Variants in RIC1 observed in about 807,000 individuals in gnomAD.
RIC1 encodes the protein RIC1 partner of RAB6A GEF complex.
In RIC1, 88 loss-of-function variants were observed where a neutral mutation model predicts 169.0. The ratio of observed to expected loss-of-function variants is 0.52; its 90% CI spans 0.44 to 0.62. The LOEUF (loss-of-function observed/expected upper bound fraction) is 0.62. Among genes scored for constraint, RIC1 ranks in the 20% least tolerant of loss-of-function variants. RIC1 has a pLI of 0.00. For synonymous variants in RIC1, 790 were observed against 601.5 expected, an observed-to-expected ratio of 1.31 and a Z score of -4.59; for missense variants, 1,877 against 1,725.5, an observed-to-expected ratio of 1.09 and a Z score of -1.56.
chr9:5,713,474 G>T (rs1823055993), intron 3 of RIC1: 1 of 153,196 alleles, frequency 6.5e-6, no homozygotes, highest in Non-Finnish European at 1.5e-5. Context: ...GAAGGATAAG[G>T]TGTGGAGTAA....
At chr9:5,706,003 T>C (rs1822563406) in intron 3 of RIC1, among the ~76,000 whole-genome samples, 2 of 152,324 alleles carry the variant, frequency 1.3e-5, no homozygotes, top group South Asian at 4.1e-4. Context: ...GCCCACTTGG[T>C]AGTGGTGGAT....
intron 1 of RIC1, among the ~76,000 whole-genome samples, chr9:5,655,755 C>G (rs1451867194): frequency 6.6e-6 from 1 of 151,836 alleles, no homozygotes; most frequent in African/African-American, 2.4e-5. Context: ...TGGGGTATAT[C>G]GTATTTGGTT....
intron 1 of RIC1, among the ~76,000 whole-genome samples, chr9:5,632,785 T>C (rs1817778919): frequency 6.6e-6 from 1 of 152,188 alleles, no homozygotes. Flanking sequence ...TTTTGTACTG[T>C]ACTGAGGGCC....
rs1452754742 is a variant in RIC1 at position 5,742,384 on chromosome 9, A to G, written c.902-485A>G. 3.3e-5 allele frequency among the ~76,000 whole-genome samples: 5 copies of G among 152,064 alleles called. No homozygotes were observed. In the South Asian group the frequency reaches 1.0e-3, roughly 31 times the overall value. ...TGAGGATTTAAGTATTCTATTCACCATCTTAGTTTTTTCAGTGTGGAAGTC... is the reference window on the plus strand; with the variant it reads ...TGAGGATTTAAGTATTCTATTCACCGTCTTAGTTTTTTCAGTGTGGAAGTC... On this transcript the variant is annotated intron_variant, in intron 8 of 25. Transcript: ENST00000414202.
At chr9:5,634,227 T>G (rs1817862492) in intron 1 of RIC1, among the ~76,000 whole-genome samples, 1 of 152,232 alleles carries the variant, frequency 6.6e-6, no homozygotes, top group African/African-American at 2.4e-5. Context: ...AGATACTGAT[T>G]TCAATTCCTT....
intron 1 of RIC1, among the ~76,000 whole-genome samples, chr9:5,643,532 G>C (rs775852784): frequency 5.9e-5 from 9 of 151,960 alleles, no homozygotes; most frequent in Non-Finnish European, 1.2e-4. Context: ...GAAAAATATG[G>C]TTTCCTGCCA....
chr9:5,697,452 A>G (rs180936431), intron 3 of RIC1, among the ~76,000 whole-genome samples: 9 of 152,292 alleles, frequency 5.9e-5, no homozygotes, highest in Non-Finnish European at 8.8e-5. Context: ...CAGGTACTCT[A>G]TTAGTAGAAT....
chr9:5,755,021 C>A, intron 15 of RIC1, 91 bp downstream of exon 15: 1 of 753,208 alleles, frequency 1.3e-6, no homozygotes, highest in Non-Finnish European at 2.0e-6. Context: ...CGATTGAAAA[C>A]TGAACAAAAC....
intron 1 of RIC1, among the ~76,000 whole-genome samples, chr9:5,654,837 G>T (rs926774298): frequency 1.3e-5 from 2 of 152,198 alleles, no homozygotes; most frequent in Admixed American, 1.3e-4. Context: ...ACAGGCATGA[G>T]CTACTGCGCC....
chr9:5,776,756 A>G (rs938715661), downstream of RIC1, among the ~76,000 whole-genome samples: 4 of 152,080 alleles, frequency 2.6e-5, no homozygotes, highest in African/African-American at 9.7e-5. Context: ...TGGAGGAAAC[A>G]GCCCATGTCG....
chr9:5,761,730 G>T (rs1826353344), intron 17 of RIC1, among the ~76,000 whole-genome samples: 2 of 152,126 alleles, frequency 1.3e-5, no homozygotes, highest in Non-Finnish European at 2.9e-5. Flanking sequence ...CCTCTTTACA[G>T]ATAGAAATGA....
At chr9:5,769,360 A>C in intron 22 of RIC1, 104 bp downstream of exon 22, 1 of 1,611,358 alleles carries the variant, frequency 6.2e-7, no homozygotes, top group African/African-American at 1.3e-5. Context: ...TTTCATTCCA[A>C]ACTTAGGAAT....
rs758555755 is a variant in RIC1 at position 5,656,613 on chromosome 9, CCTGCAAAATCA to C, written c.176_186del (p.Pro59LeufsTer11). On this transcript the variant is annotated frameshift_variant, in exon 2 of 26. Coordinates refer to ENST00000414202, the MANE Select transcript of RIC1 (RefSeq NM_020829.4). LOFTEE classifies it high-confidence loss of function. ...TGTGTTAATTGTAACCTACAAGGAG[CCTGCAAAATCA>C]TCTACTCAGTTTGGATCCTACAAGC... The C allele has an allele frequency of 1.2e-4, 200 of 1,605,132 alleles. No individual in the cohort carries two copies. The highest frequency in any genetic ancestry group is 1.6e-4 in the Non-Finnish European group (192 of 1,175,094).
At position 5,636,223 on chromosome 9, in the gene RIC1, G is replaced by C. The variant is rs80084486; in HGVS notation, c.144+6770G>C. ...CAGCCATTTATTTGTACCTTCTTCAGTTTATTTCATCAGCATTTTATGGTG... is the reference window on the plus strand; with the variant it reads ...CAGCCATTTATTTGTACCTTCTTCACTTTATTTCATCAGCATTTTATGGTG... On this transcript the variant is annotated intron_variant, in intron 1 of 25. Coordinates refer to ENST00000414202, the MANE Select transcript of RIC1 (RefSeq NM_020829.4). 3.3e-3 allele frequency among the ~76,000 whole-genome samples: 504 copies of C among 152,240 alleles called. 24 individuals are homozygous for C. The East Asian group carries it at 0.085, about 26-fold the overall frequency.
chr9:5,631,728 T>G (rs980826193), intron 1 of RIC1, among the ~76,000 whole-genome samples: 5 of 151,444 alleles, frequency 3.3e-5, no homozygotes, highest in Non-Finnish European at 7.4e-5. Flanking sequence ...ACCAAGTGAT[T>G]ATAAGGTGTA....
intron 2 of RIC1, among the ~76,000 whole-genome samples, chr9:5,665,038 G>C (rs1401414307): frequency 1.3e-5 from 2 of 152,176 alleles, no homozygotes; most frequent in Non-Finnish European, 2.9e-5. Context: ...ATTATTGTGT[G>C]GGAGTTTAAG....
chr9:5,648,668 T>C (rs1198551156), intron 1 of RIC1, among the ~76,000 whole-genome samples: 1 of 152,230 alleles, frequency 6.6e-6, no homozygotes, highest in African/African-American at 2.4e-5. Context: ...TGCATTCTCA[T>C]CAACATCTGT....
chr9:5,768,242 C>G (rs1351883973), intron 21 of RIC1, among the ~76,000 whole-genome samples: 1 of 152,152 alleles, frequency 6.6e-6, no homozygotes, highest in Non-Finnish European at 1.5e-5. Context: ...AAATTGGTTT[C>G]AGGACTGGCA....
chr9:5,753,698 C>T (rs754167641), intron 14 of RIC1, 52 bp downstream of exon 14: 2 of 883,548 alleles, frequency 2.3e-6, no homozygotes, highest in Non-Finnish European at 3.6e-6. Flanking sequence ...AAGAGAACTA[C>T]AATATGAAAT....
Sources: gnomAD v4.1 joint callset for allele counts (sites outside exome capture counted in the v4.1 genomes callset) on GRCh38, gnomAD v4.1.1 for gene constraint, MANE v1.5 for transcripts, NCBI Gene and HGNC (gene_info 2026-07-23, HGNC 2026-07-21) for gene names.